Variants in FAM81A observed in about 807,000 individuals in gnomAD.
The protein encoded by FAM81A is protein FAM81A.
A neutral mutation model predicts 46.7 loss-of-function variants in FAM81A; 19 were observed. The observed-to-expected ratio is 0.41, with a 90% CI of 0.28 to 0.60. The LOEUF is 0.60. Ranked by LOEUF, FAM81A falls within the 20% of genes least tolerant of loss-of-function variation. The pLI, the probability that FAM81A is intolerant of heterozygous loss-of-function variation, is 0.34. For missense variants in FAM81A, 377 were observed against 453.5 expected (o/e 0.83, Z 1.53); for synonymous variants, 183 against 152.9 (o/e 1.20, Z -1.45).
chr15:59,424,874 T>A (rs1175979493), intron 2 of FAM81A, among the ~76,000 whole-genome samples: 2 of 152,172 alleles, frequency 1.3e-5, no homozygotes. Context: ...CCTTCTCTTA[T>A]GCCCTCGTAA....
At position 59,502,339 on chromosome 15, in the gene FAM81A, C is replaced by G. The variant is rs187599125; in HGVS notation, c.414-4874C>G. On this transcript the variant is annotated intron_variant, in intron 4 of 8. Transcript: ENST00000288228. The stretch of plus-strand genomic sequence containing the variant: ...TAAAGCTATCCCTTCCCGCTCCCCC[C>G]CCAACAACAGTCCCCAGAGTGTGAT... Among the ~76,000 whole-genome samples the G allele has an allele frequency of 5.9e-3, 890 of 151,670 alleles. 14 individuals are homozygous for G. Among genetic ancestry groups the G allele is most frequent in the African/African-American group, 0.02 (814 of 41,032 alleles).
chr15:59,508,238 A>G (rs2082169559), intron 5 of FAM81A, among the ~76,000 whole-genome samples: 1 of 152,232 alleles, frequency 6.6e-6, no homozygotes, highest in African/African-American at 2.4e-5. Flanking sequence ...ATATCCATCA[A>G]AAGAGACATT....
intron 2 of FAM81A, among the ~76,000 whole-genome samples, chr15:59,422,562 C>T (rs533456205): frequency 8.3e-4 from 126 of 152,108 alleles, no homozygotes; most frequent in Non-Finnish European, 1.3e-3. Context: ...CTGCAACCTC[C>T]GCCTCCCGGG....
chr15:59,402,555 T>A (rs1166568960), intron 2 of FAM81A, among the ~76,000 whole-genome samples: 1 of 152,174 alleles, frequency 6.6e-6, no homozygotes, highest in East Asian at 1.9e-4. Flanking sequence ...TTTATTTTTA[T>A]TTCGAGACAG....
At chr15:59,506,993 T>C (rs2082155996) in intron 4 of FAM81A, among the ~76,000 whole-genome samples, 1 of 152,192 alleles carries the variant, frequency 6.6e-6, no homozygotes, top group Non-Finnish European at 1.5e-5. Context: ...CTTTATTTCT[T>C]TGGTGGTTAC....
chr15:59,493,024 G>A (rs2141759720), intron 4 of FAM81A, among the ~76,000 whole-genome samples: 2 of 152,258 alleles, frequency 1.3e-5, no homozygotes, highest in Middle Eastern at 3.4e-3. Flanking sequence ...TATCTGGCTG[G>A]GACAAATTTG....
At chr15:59,471,811 T>C (rs557435795) in intron 3 of FAM81A, among the ~76,000 whole-genome samples, 8 of 152,298 alleles carry the variant, frequency 5.3e-5, no homozygotes, top group African/African-American at 1.9e-4. Context: ...CAAATTTCAC[T>C]GTTCTTTGAG....
intron 4 of FAM81A, among the ~76,000 whole-genome samples, chr15:59,499,564 G>T (rs752335257): frequency 6.6e-6 from 1 of 152,048 alleles, no homozygotes; most frequent in Non-Finnish European, 1.5e-5. Context: ...GACAGACTTC[G>T]TTTGGTATTT....
chr15:59,493,692 A>C lies in FAM81A; in HGVS notation c.413+1303A>C, dbSNP rs147123455. Among the ~76,000 whole-genome samples the C allele has an allele frequency of 6.6e-5, 10 of 152,150 alleles. No individual in the cohort carries two copies. In the East Asian group the frequency reaches 1.7e-3, roughly 26 times the overall value. The stretch of plus-strand genomic sequence containing the variant: ...AACCTCCGCCTCCTGGATTCAAGCG[A>C]TTCTCCTGCCTCAGCCTCCCGAGTA... On this transcript the variant is annotated intron_variant, in intron 4 of 8. Transcript: ENST00000288228.
chr15:59,473,813 C>T (rs866031572), intron 3 of FAM81A, among the ~76,000 whole-genome samples: 1 of 152,172 alleles, frequency 6.6e-6, no homozygotes, highest in Non-Finnish European at 1.5e-5. Context: ...GTAGCTGCCA[C>T]GTACTACTCC....
Position 59,521,372 on chromosome 15 carries a change from C to G in FAM81A, c.1101C>G (p.Pro367=). The part of the protein sequence containing the change: ...QIQLMQKPET[P]M ...AGCTGATGCAGAAGCCAGAGACCCC[C>G]ATGTGAAGGGAGCTGGGACAAGGTC... Residue 367 remains proline, a synonymous_variant, in exon 9 of 9, where the codon CCC becomes CCG. Transcript: ENST00000288228. The G allele has an allele frequency of 1.2e-6, 2 of 1,609,072 alleles. No homozygotes were observed. The highest frequency in any genetic ancestry group is 1.7e-6 in the Non-Finnish European group (2 of 1,177,462).
intron 1 of FAM81A, chr15:59,440,160 A>G (rs1417711633): frequency 6.6e-6 from 1 of 151,910 alleles, no homozygotes; most frequent in South Asian, 2.1e-4. Flanking sequence ...CCTCCTTCTT[A>G]TCTTCTGGTC....
chr15:59,471,486 A>T (rs1159647518), intron 3 of FAM81A, among the ~76,000 whole-genome samples: 1 of 151,356 alleles, frequency 6.6e-6, no homozygotes, highest in Admixed American at 6.6e-5. Context: ...TTTTCTGGAG[A>T]GACAAAACCT....
intron 2 of FAM81A, among the ~76,000 whole-genome samples, chr15:59,430,020 A>T (rs7170118): frequency 0.2 from 29,967 of 152,102 alleles, 3,180 homozygotes; most frequent in Middle Eastern, 0.26. Context: ...TTTACCATTC[A>T]TGAGAATAAA....
At chr15:59,498,696 C>T (rs1162680654) in intron 4 of FAM81A, among the ~76,000 whole-genome samples, 2 of 152,120 alleles carry the variant, frequency 1.3e-5, no homozygotes, top group African/African-American at 4.8e-5. Context: ...CTCTGTCGCC[C>T]AAGCTACAGT....
At chr15:59,507,112 A>C (rs1040253846) in intron 4 of FAM81A, 101 bp from the exon 5 acceptor site, 3 of 1,405,406 alleles carry the variant, frequency 2.1e-6, no homozygotes, top group Non-Finnish European at 2.9e-6. Context: ...TGGATAGTGC[A>C]CTTTCTTTGA....
upstream of FAM81A, among the ~76,000 whole-genome samples, chr15:59,434,851 G>A (rs759794013): frequency 7.9e-5 from 12 of 152,062 alleles, no homozygotes; most frequent in African/African-American, 2.7e-4. Context: ...TAAACACCAC[G>A]TTGACCTACA....
intron 1 of FAM81A, among the ~76,000 whole-genome samples, chr15:59,399,092 C>A (rs2081059625): frequency 6.6e-6 from 1 of 152,154 alleles, no homozygotes; most frequent in African/African-American, 2.4e-5. Flanking sequence ...TCACTTGAAC[C>A]TGGGAGGCGG....
At chr15:59,465,945 G>A (rs1029297706) in intron 3 of FAM81A, among the ~76,000 whole-genome samples, 5 of 152,198 alleles carry the variant, frequency 3.3e-5, no homozygotes, top group Non-Finnish European at 5.9e-5. Flanking sequence ...AACATGCGGT[G>A]TTTGGTTTTC....
Sources: gnomAD v4.1 joint callset for allele counts (sites outside exome capture counted in the v4.1 genomes callset) on GRCh38, gnomAD v4.1.1 for gene constraint, MANE v1.5 for transcripts, NCBI Gene and HGNC (gene_info 2026-07-23, HGNC 2026-07-21) for gene names.